The following SYNE2 variants were observed in gnomAD, a reference collection of about 807,000 sequenced individuals.
The protein encoded by SYNE2 is nesprin-2.
A neutral mutation model predicts 856.3 loss-of-function variants in SYNE2; 431 were observed. That is an observed-to-expected ratio of 0.50 (90% CI 0.47 to 0.55). The LOEUF is 0.55. SYNE2 is among the 20% of genes least tolerant of loss of function. The pLI is 0.00. For synonymous variants in SYNE2, 2,923 were observed against 2,872.3 expected (o/e 1.02, Z -0.56); for missense variants, 8,129 against 8,023.2 (o/e 1.01, Z -0.50).
At chr14:64,020,282 T>G (rs142045595) in intron 35 of SYNE2, among the ~76,000 whole-genome samples, 189 bp downstream of exon 35, 58 of 152,230 alleles carry the variant, frequency 3.8e-4, no homozygotes, top group Non-Finnish European at 6.6e-4. Context: ...GGAAGAAGAA[T>G]TGTCTTGGGC....
intron 1 of SYNE2, among the ~76,000 whole-genome samples, chr14:63,782,940 G>A (rs1887369534): frequency 6.6e-6 from 1 of 151,992 alleles, no homozygotes; most frequent in Admixed American, 6.6e-5. Flanking sequence ...AAATGGAGAA[G>A]TCTGGTGGCC....
intron 55 of SYNE2, among the ~76,000 whole-genome samples, chr14:64,080,042 AGCGTGTGTGTGTGTGTGTGTGTGCGCGT>A (rs2097506458): frequency 6.8e-6 from 1 of 147,484 alleles, no homozygotes; most frequent in Middle Eastern, 3.2e-3. Context: ...AGATTAAGAG[AGCGTGTGTGTGTGTGTGTGTGTGCGCGT>A]GCGTGTGTGT....
chr14:63,928,615 T>G (rs1456708316), intron 2 of SYNE2, among the ~76,000 whole-genome samples: 3 of 152,260 alleles, frequency 2.0e-5, no homozygotes, highest in Non-Finnish European at 4.4e-5. Context: ...TATTTTAGGC[T>G]TGTTTTTTGT....
chr14:63,851,679 G>T (rs918112034), upstream of SYNE2, among the ~76,000 whole-genome samples: 3 of 152,076 alleles, frequency 2.0e-5, no homozygotes, highest in Non-Finnish European at 2.9e-5. Context: ...TATGTTTGCT[G>T]AATGCATTAT....
intron 30 of SYNE2, among the ~76,000 whole-genome samples, chr14:64,004,523 T>TTTCA (rs1436458137): frequency 4.6e-5 from 7 of 151,714 alleles, no homozygotes; most frequent in Non-Finnish European, 7.4e-5. Context: ...AGAGACGGGG[T>TTTCA]TTCACCATGT....
Position 64,065,437 on chromosome 14 carries a change from G to T in SYNE2, c.10218G>T (p.Leu3406Phe), listed in dbSNP as rs201421128. The change falls in exon 51 of 116, where the codon TTG becomes TTT. Residue 3406 changes from leucine (L) to phenylalanine (F), a missense_variant. Physicochemically the swap from Leu to Phe is conservative, Grantham distance 22 (BLOSUM62 0). Coordinates refer to ENST00000555002, the MANE Select transcript of SYNE2 (RefSeq NM_182914.3). ...TTTTTCTTTTCTTTCTTAAGGCCTT[G>T]GTGTCAAATCTTATATCAACCAAAG... Reference protein sequence around the residue: ...ALERLEQSKALVSNLISTKEE... With the variant: ...ALERLEQSKAFVSNLISTKEE... 683 of 1,613,886 alleles carry T rather than the reference G, an allele frequency of 4.2e-4. 1 individual carries two copies. Among genetic ancestry groups the T allele is most frequent in the Non-Finnish European group, 5.4e-4 (634 of 1,179,924 alleles).
At position 64,016,485 on chromosome 14, in the gene SYNE2, A is replaced by G; in HGVS notation, c.4741A>G (p.Lys1581Glu). Reference sequence around the variant, plus strand: ...ATCTTTTTTACAGATTGAAATTGTCAAAGAAGAATTTAATGAGCATTTAGA... The same window carrying G: ...ATCTTTTTTACAGATTGAAATTGTCGAAGAAGAATTTAATGAGCATTTAGA... Reference protein sequence around the residue: ...KKRIAEIEIVKEEFNEHLEVV... With the variant: ...KKRIAEIEIVEEEFNEHLEVV... Residue 1581 changes from lysine (K) to glutamate (E), a missense_variant, in exon 33 of 116, where the codon AAA becomes GAA. Transcript: ENST00000555002. The G allele has an allele frequency of 6.3e-7, 1 of 1,588,384 alleles. No individual in the cohort carries two copies. Among genetic ancestry groups the G allele is most frequent in the Non-Finnish European group, 8.6e-7 (1 of 1,165,160 alleles).
intron 3 of SYNE2, 139 bp downstream of exon 3, chr14:63,940,814 G>T: frequency 1.3e-6 from 1 of 752,336 alleles, no homozygotes; most frequent in Non-Finnish European, 2.3e-6. Context: ...TTTCTTGAAA[G>T]AATGTGCTAA....
intron 1 of SYNE2, among the ~76,000 whole-genome samples, chr14:63,814,428 TTA>T (rs1223158664): frequency 6.8e-6 from 1 of 146,024 alleles, no homozygotes; most frequent in East Asian, 1.9e-4. Flanking sequence ...ATATATATCC[TTA>T]TATATATCCA....
At chr14:63,781,945 C>G (rs1887329783) in intron 1 of SYNE2, among the ~76,000 whole-genome samples, 1 of 151,724 alleles carries the variant, frequency 6.6e-6, no homozygotes, top group Admixed American at 6.6e-5. Flanking sequence ...AAGCTGGAGA[C>G]CAACCTGGGC....
At chr14:64,203,004 C>G (rs368510504) in intron 100 of SYNE2, 41 bp downstream of exon 100, 1 of 1,610,304 alleles carries the variant, frequency 6.2e-7, no homozygotes, top group Non-Finnish European at 8.5e-7. Flanking sequence ...AGTACGGTGT[C>G]CGCGATATGC....
Position 64,000,678 on chromosome 14 carries a change from A to G in SYNE2, c.3597A>G (p.Leu1199=), listed in dbSNP as rs1334641216. ...TTGTAATTAAGGAAAGAGACACACTAAAGGAAAGAGAAAGAGAGCTTCAGA... is the reference window on the plus strand; with the variant it reads ...TTGTAATTAAGGAAAGAGACACACTGAAGGAAAGAGAAAGAGAGCTTCAGA... The part of the protein sequence containing the change: ...KPFVIKERDT[L]KERERELQMT... Residue 1199 remains leucine, a synonymous_variant, in exon 28 of 116, where the codon CTA becomes CTG. Coordinates refer to ENST00000555002, the MANE Select transcript of SYNE2 (RefSeq NM_182914.3). The G allele has an allele frequency of 3.7e-6, 6 of 1,613,400 alleles. No homozygotes were observed. Among genetic ancestry groups the G allele is most frequent in the South Asian group, 1.1e-5 (1 of 91,016 alleles).
chr14:64,155,575 TAAA>T (rs562563652), intron 85 of SYNE2, among the ~76,000 whole-genome samples: 3 of 131,780 alleles, frequency 2.3e-5, no homozygotes, highest in African/African-American at 5.6e-5. Flanking sequence ...TTCAATAAAG[TAAA>T]AAAAAAAAAA....
At chr14:64,123,963 A>G (rs10137370) in intron 70 of SYNE2, among the ~76,000 whole-genome samples, 35,328 of 150,896 alleles carry the variant, frequency 0.23, 6,959 homozygotes, top group African/African-American at 0.54. Flanking sequence ...CCAGCACTTC[A>G]GGAGCCTGAG....
At position 63,990,421 on chromosome 14, in the gene SYNE2, C is replaced by T. The variant is rs760216860; in HGVS notation, c.2324C>T (p.Ala775Val). Reference protein sequence around the residue: ...SMEESLKHLIAKGSMFDELMA... With the variant: ...SMEESLKHLIVKGSMFDELMA... ...AATTTGTTTTAATAGCATCTTATTG[C>T]CAAAGGCTCTATGTTTGATGAGCTT... The change falls in exon 20 of 116, where the codon GCC (alanine) becomes GTC (valine). Residue 775 changes from alanine to valine, a missense_variant. Ala to Val is a moderately conservative substitution (Grantham distance 64). This residue lies in a region of SYNE2 where 2,422 missense variants were observed against 2,357.4 expected (regional missense o/e 1.03). Transcript: ENST00000555002. 8 of 1,612,524 alleles carry T rather than the reference C, an allele frequency of 5.0e-6. No individual in the cohort carries two copies. The highest frequency in any genetic ancestry group is 1.9e-4 in the Middle Eastern group (1 of 5,306).
intron 6 of SYNE2, among the ~76,000 whole-genome samples, chr14:63,947,207 C>T (rs2096049319): frequency 6.6e-6 from 1 of 152,060 alleles, no homozygotes; most frequent in South Asian, 2.1e-4. Context: ...CATTATTTTC[C>T]AGAAAAATTT....
At chr14:63,877,477 G>A (rs1375571000) in intron 1 of SYNE2, among the ~76,000 whole-genome samples, 1 of 152,102 alleles carries the variant, frequency 6.6e-6, no homozygotes, top group Admixed American at 6.5e-5. Context: ...GGTTAATTTG[G>A]TTACTTACAT....
intron 1 of SYNE2, among the ~76,000 whole-genome samples, chr14:63,861,150 T>G (rs1179496223): frequency 6.6e-6 from 1 of 151,218 alleles, no homozygotes; most frequent in Non-Finnish European, 1.5e-5. Flanking sequence ...CATTGTTTTT[T>G]TTTTTTTTTT....
intron 2 of SYNE2, among the ~76,000 whole-genome samples, chr14:63,911,260 C>T (rs1338226921): frequency 6.6e-6 from 1 of 152,186 alleles, no homozygotes; most frequent in East Asian, 1.9e-4. Flanking sequence ...ATCCTTCATA[C>T]ATCCTTTATC....
Sources: gnomAD v4.1 joint callset for allele counts (sites outside exome capture counted in the v4.1 genomes callset) on GRCh38, gnomAD v4.1.1 for gene constraint, gnomAD v4.1.1 regional missense constraint, MANE v1.5 for transcripts, NCBI Gene and HGNC (gene_info 2026-07-23, HGNC 2026-07-21) for gene names.